The following NOS1 variants were observed in gnomAD, a reference collection of about 807,000 sequenced individuals.
The protein encoded by NOS1 is nitric oxide synthase 1, also known as NOS type I.
NOS1 carries 51 observed loss-of-function variants against 164.5 expected under a neutral mutation model. The ratio of observed to expected loss-of-function variants is 0.31; its 90% CI spans 0.25 to 0.39. The LOEUF (loss-of-function observed/expected upper bound fraction) is 0.39. Among genes scored for constraint, NOS1 ranks in the 10% least tolerant of loss-of-function variants. NOS1 has a pLI of 1.00. For synonymous variants in NOS1, 719 were observed against 745.8 expected, an observed-to-expected ratio of 0.96 and a Z score of 0.59; for missense variants, 1,362 against 1,885.6, an observed-to-expected ratio of 0.72 and a Z score of 5.14.
chr12:117,240,500 T>C (rs555234574), intron 20 of NOS1, among the ~76,000 whole-genome samples: 40 of 152,346 alleles, frequency 2.6e-4, no homozygotes, highest in African/African-American at 9.1e-4. Flanking sequence ...GCAATGCTGG[T>C]GAGGCCATCT....
At chr12:117,340,779 AG>A (rs1477263348) in intron 1 of NOS1, among the ~76,000 whole-genome samples, 1 of 143,516 alleles carries the variant, frequency 7.0e-6, no homozygotes, top group Non-Finnish European at 1.5e-5. Flanking sequence ...GGCTGAGTGC[AG>A]TGGCGTGATC....
chr12:117,227,167 G>A (rs1868766850), intron 23 of NOS1, among the ~76,000 whole-genome samples: 1 of 152,160 alleles, frequency 6.6e-6, no homozygotes. Context: ...GTGAGTAGTG[G>A]TGGCTTGTTC....
chr12:117,253,212 C>T (rs1323635617), intron 17 of NOS1, among the ~76,000 whole-genome samples: 2 of 152,122 alleles, frequency 1.3e-5, no homozygotes, highest in African/African-American at 4.8e-5. Context: ...TGTATTAGTA[C>T]ACTGCAAACC....
At chr12:117,232,967 A>C (rs932923983) in intron 21 of NOS1, among the ~76,000 whole-genome samples, 6 of 151,412 alleles carry the variant, frequency 4.0e-5, no homozygotes, top group African/African-American at 1.5e-4. Flanking sequence ...TCCCGGGCTC[A>C]AGTAATCCTC....
intron 21 of NOS1, among the ~76,000 whole-genome samples, chr12:117,233,998 T>C (rs41531646): frequency 0.038 from 5,741 of 152,142 alleles, 363 homozygotes; most frequent in African/African-American, 0.13. Flanking sequence ...TGTACCTGAC[T>C]CCTGAGCCCA....
rs1350017827 is a variant in NOS1 at position 117,220,144 on chromosome 12, G to C, written c.4101C>G (p.Ile1367Met). 3 of 1,613,862 alleles carry C rather than the reference G, an allele frequency of 1.9e-6. No individual in the cohort carries two copies. The highest frequency in any genetic ancestry group is 2.7e-5 in the African/African-American group (2 of 74,924). ...VTMAADVLKA[I>M]QRIMTQQGKL... The stretch of plus-strand genomic sequence containing the variant: ...TCCCCTGCTGGGTCATGATGCGCTG[G>C]ATGGCTTTGAGGACATCAGCAGCCA... Residue 1367 changes from isoleucine to methionine, a missense_variant, in exon 27 of 29, where the codon ATC becomes ATG. Transcript: ENST00000317775.
intron 7 of NOS1, 61 bp from the exon 8 acceptor site, chr12:117,280,927 T>C (rs2136010919): frequency 1.9e-6 from 3 of 1,572,126 alleles, no homozygotes; most frequent in Non-Finnish European, 2.6e-6. Flanking sequence ...GGGAACATAC[T>C]AAACATGGCG....
intron 1 of NOS1, among the ~76,000 whole-genome samples, chr12:117,331,956 G>A (rs554441518): frequency 2.3e-4 from 35 of 152,296 alleles, no homozygotes; most frequent in Non-Finnish European, 3.7e-4. Flanking sequence ...CCAGTGGAAC[G>A]GGAATGACAC....
At chr12:117,262,427 GGA>G (rs538563225) in intron 13 of NOS1, among the ~76,000 whole-genome samples, 354 of 133,306 alleles carry the variant, frequency 2.7e-3, no homozygotes, top group African/African-American at 3.3e-3. Flanking sequence ...AGGGAGGGAG[GGA>G]GAGAGAGAGA....
chr12:117,311,011 G>T (rs567599718), intron 3 of NOS1, among the ~76,000 whole-genome samples: 1 of 151,968 alleles, frequency 6.6e-6, no homozygotes, highest in East Asian at 1.9e-4. Flanking sequence ...GACTACAGGC[G>T]CCCGCCACCA....
At chr12:117,299,920 G>GTA (rs987271022) in intron 3 of NOS1, among the ~76,000 whole-genome samples, 1 of 151,926 alleles carries the variant, frequency 6.6e-6, no homozygotes, top group Non-Finnish European at 1.5e-5. Context: ...AGACCAGAAT[G>GTA]TATATATACA....
chr12:117,215,234 G>A lies in NOS1; in HGVS notation c.*75C>T. ...CAGGAGGCAGAGCGAGGGCCACAGGGGGTCCCAGAGGAAAGGTTCAGCAGT... is the reference window on the plus strand; with the variant it reads ...CAGGAGGCAGAGCGAGGGCCACAGGAGGTCCCAGAGGAAAGGTTCAGCAGT... On this transcript the variant is annotated 3_prime_UTR_variant, in exon 29 of 29. Transcript: ENST00000317775. The A allele has an allele frequency of 1.4e-6, 2 of 1,424,980 alleles. No homozygotes were observed. Among genetic ancestry groups the A allele is most frequent in the Middle Eastern group, 1.9e-4 (1 of 5,266 alleles). 88.3% of individuals were successfully genotyped at this position (1,424,980 alleles called of 1,614,324 possible). A position where few individuals can be genotyped will look rare whatever the true frequency, so the allele number is the denominator to read the frequency against.
intron 18 of NOS1, among the ~76,000 whole-genome samples, chr12:117,245,025 A>C (rs1284370904): frequency 6.6e-6 from 1 of 152,190 alleles, no homozygotes; most frequent in Middle Eastern, 3.2e-3. Context: ...TGGGTATAAA[A>C]AGCCGTTATC....
At chr12:117,337,398 G>A (rs112631709) in intron 1 of NOS1, among the ~76,000 whole-genome samples, 14,445 of 152,116 alleles carry the variant, frequency 0.095, 858 homozygotes, top group Admixed American at 0.14. Flanking sequence ...TTACAGGCTT[G>A]AGCCACCGTG....
At position 117,228,380 on chromosome 12, in the gene NOS1, G is replaced by T. The variant is rs1035000992; in HGVS notation, c.3406-739C>A. Among the ~76,000 whole-genome samples, 55 of 152,130 alleles carry T rather than the reference G, an allele frequency of 3.6e-4. 2 individuals carry two copies. The highest frequency in any genetic ancestry group is 1.3e-4 in the Admixed American group (2 of 15,262). On this transcript the variant is annotated intron_variant, in intron 22 of 28. Transcript: ENST00000317775. ...ACACACTCCTGAAGTCAAGAGAGAC[G>T]CACTATGGAAGGGAGTCATGACTCA...
intron 20 of NOS1, among the ~76,000 whole-genome samples, chr12:117,237,833 G>A (rs547793588): frequency 4.0e-4 from 61 of 152,276 alleles, no homozygotes; most frequent in African/African-American, 1.4e-3. Context: ...GGACAGCAAA[G>A]TGCCCTATTC....
intron 1 of NOS1, among the ~76,000 whole-genome samples, chr12:117,353,232 T>C (rs1876710107): frequency 2.0e-5 from 3 of 152,240 alleles, no homozygotes; most frequent in African/African-American, 4.8e-5. Context: ...CATCTATCTA[T>C]CTACCCATCT....
rs528468600 is a variant in NOS1 at position 117,356,507 on chromosome 12, C to G, written c.-421+5005G>C. On this transcript the variant is annotated intron_variant, in intron 1 of 28. Transcript: ENST00000317775. The surrounding 1 kb of genome is among the most constrained non-coding windows in gnomAD (Gnocchi z 4.2). ...ACTTCACGCCAGGTACAGGGTTTGT[C>G]TGGTGCTCACCGCTTAGCCAGACTA... Among the ~76,000 whole-genome samples the G allele has an allele frequency of 6.6e-6, 1 of 152,352 alleles. No homozygotes were observed. Among genetic ancestry groups the G allele is most frequent in the African/African-American group, 2.4e-5 (1 of 41,586 alleles).
rs547771389 is a variant in NOS1 at position 117,214,033 on chromosome 12, G to A, written c.*1276C>T. 9 of 985,338 alleles carry A rather than the reference G, an allele frequency of 9.1e-6. No individual in the cohort carries two copies. In the African/African-American group the frequency reaches 1.4e-4, roughly 15 times the overall value. The allele number at this position is 985,338 out of a possible 1,614,324, so 61.0% of individuals were successfully genotyped here. ...TAAAACTTTGGAGATCAACTGCAGA[G>A]GGCAACAAGCCTGAGGGACAAGTTC... On this transcript the variant is annotated 3_prime_UTR_variant, in exon 29 of 29. Transcript: ENST00000317775.
Sources: gnomAD v4.1 joint callset for allele counts (sites outside exome capture counted in the v4.1 genomes callset) on GRCh38, gnomAD v4.1.1 for gene constraint, Gnocchi (gnomAD v3.1) non-coding constraint, MANE v1.5 for transcripts, NCBI Gene and HGNC (gene_info 2026-07-23, HGNC 2026-07-21) for gene names.